The following TRPC7 variants were observed in gnomAD, a reference collection of about 807,000 sequenced individuals.
TRPC7 encodes transient receptor potential cation channel subfamily C member 7.
In TRPC7, 42 loss-of-function variants were observed where a neutral mutation model predicts 90.1. The ratio of observed to expected loss-of-function variants is 0.47; its 90% CI spans 0.36 to 0.60. The LOEUF is 0.60. TRPC7 is among the 20% of genes least tolerant of loss of function. The pLI is 0.00. For missense variants in TRPC7, 955 were observed against 1,112.3 expected (o/e 0.86, Z 2.01); for synonymous variants, 451 against 436.3 (o/e 1.03, Z -0.42).
intron 1 of TRPC7, among the ~76,000 whole-genome samples, chr5:136,362,234 A>G (rs1422565474): frequency 6.6e-6 from 1 of 152,192 alleles, no homozygotes; most frequent in Non-Finnish European, 1.5e-5. Flanking sequence ...CTGAATGACT[A>G]TTTAATCATA....
intron 5 of TRPC7, among the ~76,000 whole-genome samples, chr5:136,255,632 G>A (rs189333131): frequency 2.2e-4 from 34 of 152,270 alleles, no homozygotes; most frequent in Admixed American, 8.5e-4. Context: ...GTCTGAAACT[G>A]AACTTGCAAT....
chr5:136,356,309 A>G (rs1321742329), intron 2 of TRPC7, among the ~76,000 whole-genome samples: 2 of 152,246 alleles, frequency 1.3e-5, no homozygotes, highest in Non-Finnish European at 2.9e-5. Flanking sequence ...GAGCTAAGGC[A>G]TTGACATCAG....
At chr5:136,332,659 G>A (rs1447550094) in intron 2 of TRPC7, among the ~76,000 whole-genome samples, 2 of 150,870 alleles carry the variant, frequency 1.3e-5, no homozygotes, top group African/African-American at 4.8e-5. Context: ...GCTAAGTAAG[G>A]AAAAAACAAA....
At chr5:136,290,201 G>A (rs1292827244) in intron 3 of TRPC7, among the ~76,000 whole-genome samples, 2 of 152,296 alleles carry the variant, frequency 1.3e-5, no homozygotes, top group African/African-American at 2.4e-5. Flanking sequence ...AAAAAACAGA[G>A]CAGAAAAACT....
chr5:136,349,506 C>A (rs1225077389), intron 2 of TRPC7, among the ~76,000 whole-genome samples: 1 of 152,198 alleles, frequency 6.6e-6, no homozygotes, highest in Non-Finnish European at 1.5e-5. Flanking sequence ...TTGTGTATAT[C>A]AGCTTCTCTG....
intron 2 of TRPC7, among the ~76,000 whole-genome samples, chr5:136,353,460 T>C (rs1760265546): frequency 6.6e-6 from 1 of 152,236 alleles, no homozygotes; most frequent in Non-Finnish European, 1.5e-5. Flanking sequence ...CTCCATAATA[T>C]GTGACTACAA....
At chr5:136,352,783 C>T (rs570426738) in intron 2 of TRPC7, among the ~76,000 whole-genome samples, 2 of 152,294 alleles carry the variant, frequency 1.3e-5, no homozygotes, top group East Asian at 3.9e-4. Flanking sequence ...ACACTTTGCC[C>T]TCCATACACA....
At chr5:136,297,677 G>A (rs1262234892) in intron 3 of TRPC7, among the ~76,000 whole-genome samples, 1 of 152,010 alleles carries the variant, frequency 6.6e-6, no homozygotes, top group African/African-American at 2.4e-5. Context: ...ACTATATTTT[G>A]TATGTAAATG....
At chr5:136,295,283 TATAATA>T (rs892393662) in intron 3 of TRPC7, among the ~76,000 whole-genome samples, 1 of 151,710 alleles carries the variant, frequency 6.6e-6, no homozygotes, top group South Asian at 2.1e-4. Flanking sequence ...AAACTTAAAG[TATAATA>T]ATAATAATAA....
At chr5:136,363,164 G>T (rs917872325) in intron 1 of TRPC7, among the ~76,000 whole-genome samples, 1 of 152,040 alleles carries the variant, frequency 6.6e-6, no homozygotes, top group African/African-American at 2.4e-5. Flanking sequence ...AATATCAGAG[G>T]GCATATGATG....
Position 136,357,073 on chromosome 5 carries a change from C to T in TRPC7, c.315G>A (p.Arg105=). ...TGGCCAGCAGCAGCGCGTCCCCCAC[C>T]CGTGCCAGGTTCTCCTTCTTCAGCA... ...ELLLKKENLA[R]VGDALLLAIS... Residue 105 remains arginine (R), a synonymous_variant, in exon 2 of 12, where the codon CGG becomes CGA. Coordinates refer to ENST00000513104, the MANE Select transcript of TRPC7 (RefSeq NM_020389.3). The T allele has an allele frequency of 1.9e-6, 3 of 1,613,920 alleles. No individual in the cohort carries two copies. The highest frequency in any genetic ancestry group is 1.7e-6 in the Non-Finnish European group (2 of 1,179,932).
chr5:136,251,022 C>A (rs1022066498), intron 6 of TRPC7, among the ~76,000 whole-genome samples: 2 of 152,104 alleles, frequency 1.3e-5, no homozygotes, highest in Non-Finnish European at 2.9e-5. Context: ...GGGCTATTTG[C>A]AAGAATTAGA....
At chr5:136,269,151 C>T (rs370654111) in intron 4 of TRPC7, among the ~76,000 whole-genome samples, 37 of 152,244 alleles carry the variant, frequency 2.4e-4, no homozygotes, top group African/African-American at 8.7e-4. Flanking sequence ...GCCTGGAGTG[C>T]AGAACTGAGA....
intron 1 of TRPC7, among the ~76,000 whole-genome samples, chr5:136,361,361 G>C (rs1292794378): frequency 6.6e-6 from 1 of 152,156 alleles, no homozygotes; most frequent in Non-Finnish European, 1.5e-5. Context: ...AAGGATTCCA[G>C]CGGAAACAAA....
intron 3 of TRPC7, among the ~76,000 whole-genome samples, chr5:136,300,155 C>A (rs1758326476): frequency 6.6e-6 from 1 of 152,226 alleles, no homozygotes; most frequent in African/African-American, 2.4e-5. Context: ...CCTGTCATGA[C>A]AACTCTTACT....
Position 136,234,267 on chromosome 5 carries a change from G to A in TRPC7, c.1845-2718C>T, listed in dbSNP as rs150480254. On this transcript the variant is annotated intron_variant, in intron 7 of 11. Coordinates refer to ENST00000513104, the MANE Select transcript of TRPC7 (RefSeq NM_020389.3). ...TCCACAGCAAAAACCAGCTGCACCT[G>A]TCTAGGCAGGACGGGGTCTTAGACA... 1.6e-3 allele frequency among the ~76,000 whole-genome samples: 248 copies of A among 151,998 alleles called. 1 individual carries two copies. Among genetic ancestry groups the A allele is most frequent in the African/African-American group, 5.5e-3 (230 of 41,452 alleles).
At chr5:136,248,788 A>T (rs754838235) in intron 6 of TRPC7, among the ~76,000 whole-genome samples, 3 of 152,256 alleles carry the variant, frequency 2.0e-5, no homozygotes, top group Non-Finnish European at 4.4e-5. Context: ...TTCTAATGGT[A>T]CAAGGAGCAG....
chr5:136,309,040 T>G (rs1425663277), intron 3 of TRPC7, among the ~76,000 whole-genome samples: 2 of 152,230 alleles, frequency 1.3e-5, no homozygotes, highest in African/African-American at 4.8e-5. Context: ...TAAGAGGTGC[T>G]GGCCCAACTG....
chr5:136,312,525 A>G (rs910572124), intron 3 of TRPC7, among the ~76,000 whole-genome samples: 2 of 152,226 alleles, frequency 1.3e-5, no homozygotes, highest in African/African-American at 4.8e-5. Flanking sequence ...GCAAAAGCTC[A>G]TATGTCCATT....
Sources: allele counts gnomAD v4.1 joint callset (sites outside exome capture counted in the v4.1 genomes callset), GRCh38; gene constraint gnomAD v4.1.1; transcripts MANE v1.5; gene names NCBI Gene and HGNC (gene_info 2026-07-23, HGNC 2026-07-21).